Variants in TLN1 observed in about 807,000 individuals in gnomAD.
TLN1 encodes talin 1, also known as talin-1.
TLN1 carries 56 observed loss-of-function variants against 292.3 expected under a neutral mutation model. The observed-to-expected ratio is 0.19, with a 90% confidence interval of 0.15 to 0.24. The LOEUF is 0.24. Ranked by LOEUF, TLN1 falls within the 10% of genes least tolerant of loss-of-function variation. TLN1 has a pLI of 1.00. For synonymous variants in TLN1, 1,119 were observed against 1,253.7 expected (o/e 0.89, Z 2.27); for missense variants, 2,433 against 3,248.2 (o/e 0.75, Z 6.10).
At chr9:35,710,007 C>T (rs576560858) in intron 33 of TLN1, among the ~76,000 whole-genome samples, 8 of 143,132 alleles carry the variant, frequency 5.6e-5, no homozygotes, top group East Asian at 4.1e-4. Context: ...GTCAGGATAT[C>T]GAGACCATCC....
rs1191703206 is a variant in TLN1 at position 35,719,824 on chromosome 9, G to A, written c.1494C>T (p.Thr498=). Residue 498 remains threonine, a synonymous_variant, in exon 14 of 57, where the codon ACC becomes ACT. Coordinates refer to ENST00000314888, the MANE Select transcript of TLN1 (RefSeq NM_006289.4). The surrounding 1 kb of genome is among the most constrained non-coding windows in gnomAD (Gnocchi z 4.6). ...LTSAQQALTG[T]INSSMQAVQA... ...GCACGGCCTGCATGCTGGAGTTAAT[G>A]GTTCCAGTGAGTGCCTGCTGGGCTG... is the stretch of plus-strand genomic sequence containing the variant. 3.1e-6 allele frequency: 5 copies of A among 1,595,252 alleles called. No homozygotes were observed. In the East Asian group the frequency reaches 1.1e-4, roughly 36 times the overall value.
chr9:35,722,096 A>G, intron 9 of TLN1, 23 bp downstream of exon 9: 1 of 1,592,628 alleles, frequency 6.3e-7, no homozygotes. Context: ...CAAGGAGGGC[A>G]GTGAAAAGGG....
chr9:35,702,468 A>G (rs1825481799), intron 48 of TLN1, among the ~76,000 whole-genome samples: 1 of 152,262 alleles, frequency 6.6e-6, no homozygotes, highest in South Asian at 2.1e-4. Flanking sequence ...ATCTAGGCCA[A>G]GGGAAGAAAG....
chr9:35,700,632 GA>G (rs1190639296), intron 48 of TLN1, among the ~76,000 whole-genome samples: 2 of 152,184 alleles, frequency 1.3e-5, no homozygotes, highest in Non-Finnish European at 2.9e-5. Context: ...GTGAGAGGCA[GA>G]GCTAGGCCAT....
In TLN1 at chr9:35,708,468, C is replaced by T; in HGVS notation, c.4343G>A (p.Gly1448Asp). The T allele has an allele frequency of 6.3e-7, 1 of 1,584,434 alleles. No individual in the cohort carries two copies. ...AGCTTGGCTATTGGGGTCAGAGACA[C>T]CAACCAGATATGCAGCCTGGGAAGA... ...EAAAQAAYLVGVSDPNSQAGQ... is the reference protein window; with the variant it reads ...EAAAQAAYLVDVSDPNSQAGQ... Residue 1448 changes from glycine (G) to aspartate (D), a missense_variant, in exon 34 of 57, where the codon GGT (glycine) becomes GAT (aspartate). Around this residue, in one of 7 missense-constraint regions of TLN1, gnomAD observed 1,384 missense variants for 1,699.6 expected, o/e 0.81. Transcript: ENST00000314888.
Position 35,708,393 on chromosome 9 carries a change from G to C in TLN1, c.4418C>G (p.Ala1473Gly). 5.0e-6 allele frequency: 8 copies of C among 1,610,972 alleles called. No individual in the cohort carries two copies. Among genetic ancestry groups the C allele is most frequent in the Non-Finnish European group, 6.8e-6 (8 of 1,178,436 alleles). Residue 1473 changes from alanine (A) to glycine (G), a missense_variant, in exon 34 of 57, where the codon GCA (alanine) becomes GGA (glycine). Coordinates refer to ENST00000314888, the MANE Select transcript of TLN1 (RefSeq NM_006289.4). ...EPTQFARANQ[A>G]IQMACQSLGE... ...CAAACTCTGGCAGGCCATCTGAATT[G>C]CCTGGTTTGCACGGGCAAACTGTGT... is the stretch of plus-strand genomic sequence containing the variant.
At chr9:35,727,241 G>T (rs1338008053) in intron 1 of TLN1, among the ~76,000 whole-genome samples, 1 of 152,170 alleles carries the variant, frequency 6.6e-6, no homozygotes, top group Non-Finnish European at 1.5e-5. Context: ...CCTCAAATGG[G>T]GAAAAGCAGG....
chr9:35,708,594 T>C (rs1245447066), intron 33 of TLN1, 110 bp from the exon 34 acceptor site: 1 of 1,117,426 alleles, frequency 8.9e-7, no homozygotes, highest in Non-Finnish European at 1.2e-6. Flanking sequence ...ATAGGGCTTA[T>C]TTTCCAGAGT....
Position 35,712,021 on chromosome 9 carries a change from C to A in TLN1, c.3665G>T (p.Arg1222Leu). Residue 1222 changes from arginine to leucine, a missense_variant, in exon 28 of 57, where the codon CGA becomes CTA. Coordinates refer to ENST00000314888, the MANE Select transcript of TLN1 (RefSeq NM_006289.4). ...ALRAVGDASK[R>L]LLSDSLPPST... ...TCCTCCTACCGAGTCACTCAGGAGTCGCTTGCTGGCATCTCCAACTGCCCT... is the reference window on the plus strand; with the variant it reads ...TCCTCCTACCGAGTCACTCAGGAGTAGCTTGCTGGCATCTCCAACTGCCCT... 1 of 1,613,974 alleles carries A rather than the reference C, an allele frequency of 6.2e-7. No homozygotes were observed. Among genetic ancestry groups the A allele is most frequent in the Non-Finnish European group, 8.5e-7 (1 of 1,180,018 alleles).
chr9:35,704,429 C>A lies in TLN1; in HGVS notation c.5950G>T (p.Ala1984Ser), dbSNP rs35642290. ...GTQACITAAS[A>S]VSGIIADLDT... ...AGGTCAGCAATGATACCAGACACAG[C>A]GCTGGCTGCTGTGATGCAGGCCTGG... The change falls in exon 45 of 57, where the codon GCT becomes TCT. Residue 1984 changes from alanine (A) to serine (S), a missense_variant. Ala to Ser is a moderately conservative substitution (Grantham distance 99). Transcript: ENST00000314888. The surrounding 1 kb of genome is among the most constrained non-coding windows in gnomAD (Gnocchi z 6.9). 23 of 1,614,166 alleles carry A rather than the reference C, an allele frequency of 1.4e-5. No homozygotes were observed. The highest frequency in any genetic ancestry group is 1.7e-5 in the Non-Finnish European group (20 of 1,180,020).
rs764002609 is a variant in TLN1 at position 35,724,822 on chromosome 9, C to T, written c.358+8G>A. ...GCCCAGGCTTTCAACTGTACTAGGG[C>T]CCCTTACCAATGCGGGCACAGATGG... On this transcript the variant is annotated splice_region_variant and intron_variant, in intron 4 of 56. Transcript: ENST00000314888. The surrounding 1 kb of genome is among the most constrained non-coding windows in gnomAD (Gnocchi z 4.7). 5.0e-6 allele frequency: 8 copies of T among 1,614,146 alleles called. 1 individual carries two copies. The highest frequency in any genetic ancestry group is 4.5e-5 in the East Asian group (2 of 44,886).
chr9:35,731,444 A>AC (rs1286458225), intron 1 of TLN1, among the ~76,000 whole-genome samples: 1 of 151,988 alleles, frequency 6.6e-6, no homozygotes, highest in Non-Finnish European at 1.5e-5. Context: ...CTAAATGTTG[A>AC]CCCCTAAGCC....
At position 35,705,559 on chromosome 9, in the gene TLN1, T is replaced by C. The variant is rs879009491; in HGVS notation, c.5725A>G (p.Asn1909Asp). 6.3e-7 allele frequency: 1 copy of C among 1,586,734 alleles called. No homozygotes were observed. Among genetic ancestry groups the C allele is most frequent in the Non-Finnish European group, 8.6e-7 (1 of 1,164,366 alleles). The part of the protein sequence containing the change: ...EAKPAAVAAE[N>D]EEIGSHIKHR... ...GTTGCCTCCACGTTTACCTCTTCAT[T>C]TTCAGCAGCCACCGCTGCAGGCTTG... is the stretch of plus-strand genomic sequence containing the variant. The change falls in exon 43 of 57, where the codon AAT (asparagine) becomes GAT (aspartate). Residue 1909 changes from asparagine to aspartate, a missense_variant. By Grantham distance (23) the Asn-to-Asp change is conservative. Coordinates refer to ENST00000314888, the MANE Select transcript of TLN1 (RefSeq NM_006289.4).
Position 35,698,222 on chromosome 9 carries a change from T to G in TLN1, c.7372-50A>C. The G allele has an allele frequency of 6.2e-7, 1 of 1,611,390 alleles. No homozygotes were observed. Among genetic ancestry groups the G allele is most frequent in the Non-Finnish European group, 8.5e-7 (1 of 1,178,090 alleles). On this transcript the variant is annotated intron_variant, in intron 55 of 56. Coordinates refer to ENST00000314888, the MANE Select transcript of TLN1 (RefSeq NM_006289.4). The surrounding 1 kb of genome is among the most constrained non-coding windows in gnomAD (Gnocchi z 5.3). ...GTTGAGAACTCAGGTACGGTCCCAG[T>G]TGAGACAGTACCTCAATTCTCTCAT...
At position 35,712,086 on chromosome 9, in the gene TLN1, G is replaced by A; in HGVS notation, c.3600C>T (p.Val1200=). 2 of 1,614,056 alleles carry A rather than the reference G, an allele frequency of 1.2e-6. No individual in the cohort carries two copies. Among genetic ancestry groups the A allele is most frequent in the Non-Finnish European group, 1.7e-6 (2 of 1,179,986 alleles). ...CATCGCGCTGGCCAGGTAGGCAGCT[G>A]ACACAGCGGTTCAGAGCCTGGGTCA... ...KAVTQALNRC[V]SCLPGQRDVD... is the part of the protein sequence containing the mutation. The change falls in exon 28 of 57, where the codon GTC becomes GTT. Residue 1200 remains valine, a synonymous_variant. Transcript: ENST00000314888.
rs1031647404 is a variant in TLN1, at chr9:35,707,562, C to T, written c.4633-74G>A. The T allele has an allele frequency of 2.5e-6, 4 of 1,584,146 alleles. No individual in the cohort carries two copies. Among genetic ancestry groups the T allele is most frequent in the Non-Finnish European group, 3.4e-6 (4 of 1,161,218 alleles). ...GTATAGGAAGTGAAGTCCAGGTCTC[C>T]TTCCTGGGACTTACAGGATTTGGGG... is the stretch of plus-strand genomic sequence containing the variant. On this transcript the variant is annotated intron_variant, in intron 35 of 56. Coordinates refer to ENST00000314888, the MANE Select transcript of TLN1 (RefSeq NM_006289.4). The surrounding 1 kb of genome is among the most constrained non-coding windows in gnomAD (Gnocchi z 5.6).
At chr9:35,722,973 G>T (rs1825903128) in intron 7 of TLN1, 52 bp from the exon 8 acceptor site, 2 of 1,559,450 alleles carry the variant, frequency 1.3e-6, no homozygotes, top group Admixed American at 1.7e-5. Flanking sequence ...CAGGGGACAT[G>T]TGGGCCATGA....
intron 32 of TLN1, 35 bp from the exon 33 acceptor site, chr9:35,710,718 T>C (rs368495944): frequency 6.8e-6 from 11 of 1,613,546 alleles, no homozygotes; most frequent in Middle Eastern, 1.6e-4. Context: ...AGTCAGAGCA[T>C]GTCCTCAGAA....
At chr9:35,703,491 C>G (rs1825504752) in intron 48 of TLN1, 69 bp downstream of exon 48, 4 of 1,402,354 alleles carry the variant, frequency 2.9e-6, no homozygotes, top group Non-Finnish European at 4.0e-6. Flanking sequence ...ATATGTGTGG[C>G]ACAGGTTCAC....
Sources: gnomAD v4.1 joint callset for allele counts (sites outside exome capture counted in the v4.1 genomes callset) on GRCh38, gnomAD v4.1.1 for gene constraint, gnomAD v4.1.1 regional missense constraint, Gnocchi (gnomAD v3.1) non-coding constraint, MANE v1.5 for transcripts, NCBI Gene and HGNC (gene_info 2026-07-23, HGNC 2026-07-21) for gene names.